Variants in MTA3 observed in about 807,000 individuals in gnomAD.
MTA3 encodes the protein metastasis-associated protein MTA3.
MTA3 carries 34 observed loss-of-function variants against 83.5 expected under a neutral mutation model. The observed-to-expected ratio is 0.41, with a 90% CI of 0.31 to 0.54. MTA3 has a LOEUF of 0.54. MTA3 is among the 20% of genes least tolerant of loss of function. MTA3 has a pLI of 0.33. For missense variants in MTA3, 761 were observed against 726.4 expected (o/e 1.05, Z -0.55); for synonymous variants, 303 against 252.7 (o/e 1.20, Z -1.89).
chr2:42,716,863 G>T (rs1347634023), intron 14 of MTA3, among the ~76,000 whole-genome samples: 1 of 152,060 alleles, frequency 6.6e-6, no homozygotes, highest in Non-Finnish European at 1.5e-5. Context: ...TGGGATTGTT[G>T]GGTGATAGTT....
intron 16 of MTA3, among the ~76,000 whole-genome samples, chr2:42,724,132 A>G (rs1255380889): frequency 1.3e-5 from 2 of 152,116 alleles, no homozygotes; most frequent in Non-Finnish European, 2.9e-5. Context: ...TGAAGATTGG[A>G]TGTATTTCTT....
intron 3 of MTA3, among the ~76,000 whole-genome samples, chr2:42,595,699 A>T (rs1040356613): frequency 6.6e-6 from 1 of 152,076 alleles, no homozygotes; most frequent in Admixed American, 6.6e-5. Context: ...AGTAAACGGT[A>T]TTTGGGTATA....
chr2:42,595,280 T>C (rs1367883470), intron 3 of MTA3, among the ~76,000 whole-genome samples: 1 of 149,498 alleles, frequency 6.7e-6, no homozygotes, highest in East Asian at 2.0e-4. Flanking sequence ...CGGCTAATTT[T>C]TTTGTGTTTT....
intron 4 of MTA3, among the ~76,000 whole-genome samples, chr2:42,627,725 A>ATTTTTTTTT (rs869227831): frequency 0.019 from 2,009 of 103,230 alleles, no homozygotes; most frequent in Non-Finnish European, 0.025. Flanking sequence ...GCCTGGCTAA[A>ATTTTTTTTT]TTTTTTTTTT....
intron 2 of MTA3, among the ~76,000 whole-genome samples, chr2:42,536,101 C>T (rs181349415): frequency 6.6e-6 from 1 of 150,492 alleles, no homozygotes; most frequent in East Asian, 1.9e-4. Context: ...GCCTGGGCAA[C>T]AGTGAGACTC....
intron 16 of MTA3, among the ~76,000 whole-genome samples, chr2:42,738,482 C>T (rs1355947772): frequency 2.0e-5 from 3 of 152,192 alleles, no homozygotes. Context: ...ACTTCAATCT[C>T]TTAATCCTGT....
intron 9 of MTA3, among the ~76,000 whole-genome samples, chr2:42,693,956 G>C (rs1408733183): frequency 6.6e-6 from 1 of 152,154 alleles, no homozygotes; most frequent in Non-Finnish European, 1.5e-5. Context: ...GGGCCCATGG[G>C]CTCTTTAGTC....
intron 9 of MTA3, among the ~76,000 whole-genome samples, chr2:42,684,597 C>T (rs535150356): frequency 2.0e-5 from 3 of 152,232 alleles, no homozygotes; most frequent in African/African-American, 7.2e-5. Flanking sequence ...GCTACAGCTA[C>T]ATAGAAATTG....
chr2:42,499,746 G>C (rs7581704), intron 2 of MTA3, among the ~76,000 whole-genome samples: 123,997 of 150,552 alleles, frequency 0.82, 51,766 homozygotes, highest in African/African-American at 0.96. Flanking sequence ...TGAGATCAAG[G>C]CAATGCACTA....
chr2:42,748,791 A>G (rs977023833), intron 16 of MTA3, among the ~76,000 whole-genome samples: 1 of 152,222 alleles, frequency 6.6e-6, no homozygotes, highest in Admixed American at 6.5e-5. Context: ...ATGATGAGTT[A>G]TAAAGACTCA....
intron 11 of MTA3, among the ~76,000 whole-genome samples, chr2:42,699,491 T>C (rs1693673555): frequency 6.6e-6 from 1 of 152,096 alleles, no homozygotes; most frequent in South Asian, 2.1e-4. Context: ...CTGCTATATG[T>C]TGGGAAATGG....
chr2:42,548,829 A>T (rs867389343), intron 2 of MTA3, among the ~76,000 whole-genome samples: 196 of 8,580 alleles, frequency 0.023, 22 homozygotes, highest in African/African-American at 0.057. Flanking sequence ...ATATATATAT[A>T]ATATATATAT....
rs898809863 is a variant in MTA3, at chr2:42,753,542, C to T, written c.*143C>T. On this transcript the variant is annotated 3_prime_UTR_variant, in exon 17 of 17. Transcript: ENST00000405094. ...GTGCATCCATGGAGACGCAATGGGG[C>T]GGGGAAGGAACTGTGGGAGTGCACG... 9.5e-6 allele frequency: 14 copies of T among 1,477,090 alleles called. No individual in the cohort carries two copies. The highest frequency in any genetic ancestry group is 1.9e-4 in the Middle Eastern group (1 of 5,154). The allele number at this position is 1,477,090 out of a possible 1,614,324, so 91.5% of individuals were successfully genotyped here.
chr2:42,558,375 G>A (rs1433398740), intron 2 of MTA3, among the ~76,000 whole-genome samples: 1 of 151,292 alleles, frequency 6.6e-6, no homozygotes, highest in African/African-American at 2.4e-5. Context: ...CAAGTAGCTG[G>A]GACTAACTGG....
At chr2:42,559,707 C>T (rs1161601832) in intron 2 of MTA3, among the ~76,000 whole-genome samples, 1 of 150,620 alleles carries the variant, frequency 6.6e-6, no homozygotes, top group Non-Finnish European at 1.5e-5. Context: ...GGAGAAACCC[C>T]ATCTCTACTA....
At chr2:42,633,163 T>G (rs1052500061) in intron 4 of MTA3, among the ~76,000 whole-genome samples, 1 of 151,738 alleles carries the variant, frequency 6.6e-6, no homozygotes. Flanking sequence ...CTCGGGAGGC[T>G]GAGGCAGGAG....
At chr2:42,518,362 G>C (rs1478992647) in intron 2 of MTA3, among the ~76,000 whole-genome samples, 2 of 152,074 alleles carry the variant, frequency 1.3e-5, no homozygotes, top group Non-Finnish European at 2.9e-5. Context: ...CTGAAAGTAA[G>C]GAAATGCTCA....
intron 8 of MTA3, among the ~76,000 whole-genome samples, chr2:42,672,597 A>T (rs999905146): frequency 1.1e-4 from 15 of 135,518 alleles, no homozygotes; most frequent in Non-Finnish European, 2.0e-4. Flanking sequence ...GTGAGCCGAG[A>T]TCGTGCCACT....
Position 42,755,430 on chromosome 2 carries a change from C to T in MTA3, c.*2031C>T, listed in dbSNP as rs934114791. The T allele has an allele frequency of 1.0e-6, 1 of 985,468 alleles. No homozygotes were observed. Among genetic ancestry groups the T allele is most frequent in the African/African-American group, 1.7e-5 (1 of 57,368 alleles). The allele number at this position is 985,468 out of a possible 1,614,324, so 61.0% of individuals were successfully genotyped here. On this transcript the variant is annotated 3_prime_UTR_variant, in exon 17 of 17. Transcript: ENST00000405094. ...GTCTGAAGCAGGAGAAGGGAGGCCCCTCCTATCTACCCAGTTGACATTTGG... is the reference window on the plus strand; with the variant it reads ...GTCTGAAGCAGGAGAAGGGAGGCCCTTCCTATCTACCCAGTTGACATTTGG...
Sources: allele counts gnomAD v4.1 joint callset (sites outside exome capture counted in the v4.1 genomes callset), GRCh38; gene constraint gnomAD v4.1.1; transcripts MANE v1.5; gene names NCBI Gene and HGNC (gene_info 2026-07-23, HGNC 2026-07-21).